NUP93: variants seen among roughly 807,000 people sequenced by gnomAD.
NUP93 encodes nuclear pore complex protein Nup93.
NUP93 carries 55 observed loss-of-function variants against 107.8 expected under a neutral mutation model. The observed-to-expected ratio is 0.51, with a 90% CI of 0.41 to 0.64. The LOEUF is 0.64. Among genes scored for constraint, NUP93 ranks in the 30% least tolerant of loss-of-function variants. The probability of loss-of-function intolerance (pLI) is 0.00; values close to 1 mark genes in which losing one functional copy is unlikely to be tolerated. For synonymous variants in NUP93, 390 were observed against 397.5 expected, an observed-to-expected ratio of 0.98 and a Z score of 0.22; for missense variants, 937 against 1,044.7, an observed-to-expected ratio of 0.90 and a Z score of 1.42.
chr16:56,781,063 G>A (rs1449559630), intron 3 of NUP93, among the ~76,000 whole-genome samples: 1 of 152,176 alleles, frequency 6.6e-6, no homozygotes, highest in African/African-American at 2.4e-5. Context: ...ATGTTAAAAC[G>A]TGGAGGAAAA....
chr16:56,828,760 T>A (rs1227132550), intron 8 of NUP93, among the ~76,000 whole-genome samples: 1 of 152,218 alleles, frequency 6.6e-6, no homozygotes, highest in East Asian at 1.9e-4. Flanking sequence ...GGGATTCTTT[T>A]GAGTTTCCTC....
chr16:56,732,919 C>T (rs4783956), intron 1 of NUP93, among the ~76,000 whole-genome samples: 42,906 of 151,960 alleles, frequency 0.28, 6,245 homozygotes, highest in Admixed American at 0.32. Context: ...GAGAGGGAGA[C>T]ATATGTGTGA....
chr16:56,837,616 C>T lies in NUP93; in HGVS notation c.1908C>T (p.Asp636=), dbSNP rs1378390806. ...TTTAAAAACTTGAGCAGAATGCTGA[C>T]AAGGTACTGGAGCTGATGAACAAAC... is the stretch of plus-strand genomic sequence containing the variant. The part of the protein sequence containing the change: ...AKLYDLAKNA[D]KVLELMNKLL... The change falls in exon 18 of 22, where the codon GAC becomes GAT. Residue 636 remains aspartate, a synonymous_variant. Coordinates refer to ENST00000308159, the MANE Select transcript of NUP93 (RefSeq NM_014669.5). 1.2e-6 allele frequency: 2 copies of T among 1,613,436 alleles called. No individual in the cohort carries two copies. The highest frequency in any genetic ancestry group is 2.7e-5 in the African/African-American group (2 of 74,918).
chr16:56,737,516 A>G (rs1441835970), intron 1 of NUP93, among the ~76,000 whole-genome samples: 1 of 152,080 alleles, frequency 6.6e-6, no homozygotes, highest in Admixed American at 6.5e-5. Flanking sequence ...CTTTCTCCCA[A>G]TCAGCACTCC....
At chr16:56,816,296 CTG>C (rs372054596) in intron 5 of NUP93, among the ~76,000 whole-genome samples, 66 of 152,182 alleles carry the variant, frequency 4.3e-4, no homozygotes, top group African/African-American at 1.5e-3. Context: ...TAAATTAAAT[CTG>C]TGTTTCAGGT....
chr16:56,760,749 C>T (rs892043356), intron 3 of NUP93, among the ~76,000 whole-genome samples: 4 of 152,238 alleles, frequency 2.6e-5, no homozygotes, highest in Admixed American at 2.6e-4. Context: ...TGAGATTTGG[C>T]AGAGACATGT....
At chr16:56,797,805 C>T (rs1962933174) in intron 3 of NUP93, among the ~76,000 whole-genome samples, 1 of 152,176 alleles carries the variant, frequency 6.6e-6, no homozygotes, top group South Asian at 2.1e-4. Flanking sequence ...AATGGAGGCA[C>T]TAGGATTTGA....
intron 16 of NUP93, among the ~76,000 whole-genome samples, chr16:56,836,183 C>T (rs1485766357): frequency 9.9e-5 from 15 of 151,014 alleles, no homozygotes; most frequent in Admixed American, 9.9e-4. Flanking sequence ...TTTTTCAGCA[C>T]TGAGTTCCTT....
In NUP93 at chr16:56,798,393, T is replaced by C. The variant is rs879149382; in HGVS notation, c.298-83T>C. ...GGTGTAGGTAGCATAGTAGATACCA[T>C]TATGGTTATTGTTTGCCCTGCAGTA... is the stretch of plus-strand genomic sequence containing the variant. On this transcript the variant is annotated intron_variant, in intron 3 of 21. Coordinates refer to ENST00000308159, the MANE Select transcript of NUP93 (RefSeq NM_014669.5). 1.9e-4 allele frequency: 221 copies of C among 1,134,666 alleles called. 3 individuals carry two copies. In the South Asian group the frequency reaches 2.7e-3, roughly 14 times the overall value. The allele number at this position is 1,134,666 out of a possible 1,614,324, so 70.3% of individuals were successfully genotyped here.
In NUP93 at chr16:56,849,415, G is replaced by C. The variant is rs560043123; in HGVS notation, c.*4806G>C. 8.5e-5 allele frequency: 13 copies of C among 152,358 alleles called. No homozygotes were observed. In the East Asian group the frequency reaches 2.3e-3, roughly 27 times the overall value. 9.4% of individuals were successfully genotyped at this position (152,358 alleles called of 1,614,324 possible). On this transcript the variant is annotated 3_prime_UTR_variant, in exon 22 of 22. Coordinates refer to ENST00000308159, the MANE Select transcript of NUP93 (RefSeq NM_014669.5). Reference sequence around the variant, plus strand: ...TGTACACCTGGCTGCCTTTGCCCTTGAGCTTCTATTTCTTGGGGATGGGGA... The same window carrying C: ...TGTACACCTGGCTGCCTTTGCCCTTCAGCTTCTATTTCTTGGGGATGGGGA...
At chr16:56,756,475 ATTCT>A (rs1962026120) in intron 2 of NUP93, among the ~76,000 whole-genome samples, 7 of 152,092 alleles carry the variant, frequency 4.6e-5, no homozygotes, top group Admixed American at 4.6e-4. Context: ...ACATGAACTC[ATTCT>A]TTTTGATGGC....
At chr16:56,740,134 C>T (rs1462244792) in intron 1 of NUP93, among the ~76,000 whole-genome samples, 441 of 128,852 alleles carry the variant, frequency 3.4e-3, no homozygotes, top group East Asian at 9.7e-3. Flanking sequence ...CTGACCCCCC[C>T]ACCTCCCTCC....
chr16:56,801,187 G>C (rs1041494173), intron 4 of NUP93, among the ~76,000 whole-genome samples: 1 of 152,032 alleles, frequency 6.6e-6, no homozygotes, highest in African/African-American at 2.4e-5. Context: ...TTAGTTATTA[G>C]TTGAGCAGTT....
chr16:56,807,114 G>A (rs1963160097), intron 5 of NUP93, among the ~76,000 whole-genome samples: 1 of 152,168 alleles, frequency 6.6e-6, no homozygotes, highest in African/African-American at 2.4e-5. Context: ...AGCTCATCTT[G>A]TGCTGCTTTC....
At chr16:56,797,538 T>C (rs1305926756) in intron 3 of NUP93, among the ~76,000 whole-genome samples, 1 of 152,178 alleles carries the variant, frequency 6.6e-6, no homozygotes, top group Non-Finnish European at 1.5e-5. Context: ...ATCAGAATAA[T>C]GTCTCAGCCC....
At chr16:56,783,824 G>A in intron 3 of NUP93, 1 of 985,390 alleles carries the variant, frequency 1.0e-6, no homozygotes, top group Non-Finnish European at 1.2e-6. Flanking sequence ...GAGTTCTTTA[G>A]GAAGGTGGAG....
intron 2 of NUP93, among the ~76,000 whole-genome samples, chr16:56,750,890 G>A (rs937216478): frequency 2.6e-5 from 4 of 152,058 alleles, no homozygotes; most frequent in Non-Finnish European, 5.9e-5. Context: ...TGGGTGCCGT[G>A]GCTCATGCCT....
intron 9 of NUP93, 97 bp downstream of exon 9, chr16:56,829,206 CTG>C: frequency 7.0e-7 from 1 of 1,424,206 alleles, no homozygotes; most frequent in Non-Finnish European, 9.5e-7. Context: ...GTGGAGACTA[CTG>C]TGTGGAGATG....
chr16:56,736,387 A>G (rs993156179), intron 1 of NUP93, among the ~76,000 whole-genome samples: 31 of 152,352 alleles, frequency 2.0e-4, no homozygotes, highest in Admixed American at 1.7e-3. Context: ...AGAGTGAGGA[A>G]TATCATGTTA....
Sources: allele counts gnomAD v4.1 joint callset (sites outside exome capture counted in the v4.1 genomes callset), GRCh38; gene constraint gnomAD v4.1.1; transcripts MANE v1.5; gene names NCBI Gene and HGNC (gene_info 2026-07-23, HGNC 2026-07-21).